LRP1B: variants seen among roughly 807,000 people sequenced by gnomAD.
LRP1B encodes low-density lipoprotein receptor-related protein 1B.
In LRP1B, 217 loss-of-function variants were observed where a neutral mutation model predicts 556.6. That is an observed-to-expected ratio of 0.39 (90% CI 0.35 to 0.44). The LOEUF is 0.44. LRP1B is among the 20% of genes least tolerant of loss of function. The pLI is 1.00. For missense variants in LRP1B, 5,053 were observed against 5,620.8 expected, an observed-to-expected ratio of 0.90 and a Z score of 3.23; for synonymous variants, 2,047 against 1,865.8, an observed-to-expected ratio of 1.10 and a Z score of -2.50.
At chr2:140,771,248 A>G (rs1313557329) in intron 33 of LRP1B, among the ~76,000 whole-genome samples, 1 of 152,124 alleles carries the variant, frequency 6.6e-6, no homozygotes, top group African/African-American at 2.4e-5. Flanking sequence ...AGAAAAGCAA[A>G]AGGAAATTGA....
intron 20 of LRP1B, among the ~76,000 whole-genome samples, chr2:140,940,844 A>G (rs971934262): frequency 2.0e-5 from 3 of 152,166 alleles, no homozygotes; most frequent in Non-Finnish European, 2.9e-5. Context: ...AGTAATCGCC[A>G]CAGTGTCTTC....
intron 2 of LRP1B, among the ~76,000 whole-genome samples, chr2:141,487,154 T>A (rs1490163617): frequency 6.6e-6 from 1 of 152,178 alleles, no homozygotes; most frequent in Non-Finnish European, 1.5e-5. Flanking sequence ...TGATTATCCT[T>A]TAACTATATA....
chr2:141,485,924 A>C (rs996678381), intron 2 of LRP1B, among the ~76,000 whole-genome samples: 2 of 152,130 alleles, frequency 1.3e-5, no homozygotes, highest in Non-Finnish European at 2.9e-5. Context: ...TAAACCTGGC[A>C]TTACCTCTGT....
In LRP1B at chr2:141,058,871, T is replaced by C; in HGVS notation, c.1408+12A>G. 2.5e-6 allele frequency: 4 copies of C among 1,573,428 alleles called. No individual in the cohort carries two copies. The highest frequency in any genetic ancestry group is 3.4e-6 in the Non-Finnish European group (4 of 1,162,366). ...ACCATTAGGAAGGTAATAAAGAAGC[T>C]TTCCCACTTACCTGTTGGTTGAGTT... On this transcript the variant is annotated intron_variant, in intron 9 of 90. Transcript: ENST00000389484.
At chr2:141,715,088 A>T (rs900142178) in intron 2 of LRP1B, among the ~76,000 whole-genome samples, 1 of 152,094 alleles carries the variant, frequency 6.6e-6, no homozygotes, top group African/African-American at 2.4e-5. Context: ...CTGAAATCAC[A>T]CTCTCTTTGT....
intron 83 of LRP1B, among the ~76,000 whole-genome samples, chr2:140,302,883 T>A (rs1196534313): frequency 6.6e-6 from 1 of 151,730 alleles, no homozygotes; most frequent in African/African-American, 2.4e-5. Flanking sequence ...GCTCCCTTAG[T>A]TCTCCGATTT....
chr2:141,737,611 C>T (rs1345888345), intron 2 of LRP1B, among the ~76,000 whole-genome samples: 2 of 152,118 alleles, frequency 1.3e-5, no homozygotes, highest in African/African-American at 2.4e-5. Context: ...CTTGTTTACC[C>T]CATCATGTTA....
At position 140,526,237 on chromosome 2, in the gene LRP1B, T is replaced by C. The variant is rs1690428412; in HGVS notation, c.7876A>G (p.Asn2626Asp). The C allele has an allele frequency of 1.2e-6, 2 of 1,610,136 alleles. No homozygotes were observed. The highest frequency in any genetic ancestry group is 1.7e-6 in the Non-Finnish European group (2 of 1,177,072). Residue 2626 changes from asparagine (N) to aspartate (D), a missense_variant and splice_region_variant, in exon 48 of 91, where the codon AAT becomes GAT. This residue lies in a region of LRP1B where 3,619 missense variants were observed against 3,931.9 expected (regional missense o/e 0.92). Transcript: ENST00000389484. ...CADASDEKNC[N>D]NTDCTHFYKL... is the part of the protein sequence containing the mutation. ...GACAAAAGGTAGTGGAATATCTTAC[T>C]GCAGTTCTTTTCATCTGAAGCATCT...
In LRP1B at chr2:140,374,669, A is replaced by G. The variant is rs1683142558; in HGVS notation, c.10639-1532T>C. Among the ~76,000 whole-genome samples the G allele has an allele frequency of 2.0e-5, 3 of 152,320 alleles. No individual in the cohort carries two copies. The East Asian group carries it at 5.8e-4, about 29-fold the overall frequency. On this transcript the variant is annotated intron_variant, in intron 68 of 90. Transcript: ENST00000389484. ...CTGCTGAGTGAATTAATAAATTAATAAACTAGCAAATATAGAAAACAAATG... is the reference window on the plus strand; with the variant it reads ...CTGCTGAGTGAATTAATAAATTAATGAACTAGCAAATATAGAAAACAAATG...
At chr2:141,955,020 A>G (rs1012659813) in intron 1 of LRP1B, among the ~76,000 whole-genome samples, 2 of 152,150 alleles carry the variant, frequency 1.3e-5, no homozygotes, top group Non-Finnish European at 2.9e-5. Context: ...GAGATGCTAT[A>G]AGAACATAAA....
chr2:141,795,571 T>A (rs756393068), intron 2 of LRP1B, among the ~76,000 whole-genome samples: 1 of 151,708 alleles, frequency 6.6e-6, no homozygotes, highest in Non-Finnish European at 1.5e-5. Context: ...TGACAGGCAG[T>A]CAGTACAAAA....
chr2:142,003,253 G>A lies in LRP1B; in HGVS notation c.82+127395C>T, dbSNP rs182761618. Among the ~76,000 whole-genome samples the A allele has an allele frequency of 9.2e-5, 14 of 152,314 alleles. No individual in the cohort carries two copies. The East Asian group carries it at 2.5e-3, about 27-fold the overall frequency. ...AAGTGTTAGCATATAATTGTTTAAT[G>A]CAATATATCAAATGCCTAATGCACA... On this transcript the variant is annotated intron_variant, in intron 1 of 90. Coordinates refer to ENST00000389484, the MANE Select transcript of LRP1B (RefSeq NM_018557.3).
intron 2 of LRP1B, among the ~76,000 whole-genome samples, chr2:141,682,592 T>C (rs576762329): frequency 6.6e-6 from 1 of 152,174 alleles, no homozygotes; most frequent in East Asian, 1.9e-4. Context: ...CATTCCCATG[T>C]TGGAAAAAGA....
chr2:140,947,653 T>C (rs1011882668), intron 20 of LRP1B, among the ~76,000 whole-genome samples: 3 of 152,210 alleles, frequency 2.0e-5, no homozygotes, highest in Non-Finnish European at 4.4e-5. Context: ...AAAAGAATAA[T>C]GAATAGAAAT....
intron 35 of LRP1B, among the ~76,000 whole-genome samples, chr2:140,734,001 C>T (rs1332442193): frequency 6.6e-6 from 1 of 152,096 alleles, no homozygotes; most frequent in Non-Finnish European, 1.5e-5. Context: ...CCTGCTTAAC[C>T]TCAACGAAAT....
chr2:140,806,352 T>G (rs12986500), intron 32 of LRP1B, among the ~76,000 whole-genome samples: 26,959 of 152,112 alleles, frequency 0.18, 2,783 homozygotes, highest in Non-Finnish European at 0.23. Flanking sequence ...AATTTTAGAT[T>G]CCTTACCTAC....
chr2:140,694,512 T>C (rs1686359315), intron 41 of LRP1B, among the ~76,000 whole-genome samples: 1 of 152,196 alleles, frequency 6.6e-6, no homozygotes, highest in Admixed American at 6.5e-5. Flanking sequence ...TTCATGATCT[T>C]CTGCAGTTTT....
intron 2 of LRP1B, among the ~76,000 whole-genome samples, chr2:141,684,047 A>G (rs1259034690): frequency 6.6e-6 from 1 of 152,098 alleles, no homozygotes; most frequent in Non-Finnish European, 1.5e-5. Context: ...CAGTGTGGAA[A>G]TTCCTCAAGG....
intron 41 of LRP1B, among the ~76,000 whole-genome samples, chr2:140,648,623 CA>C (rs1684568787): frequency 1.3e-5 from 2 of 151,942 alleles, no homozygotes; most frequent in East Asian, 3.9e-4. Context: ...GGGCCGGGTT[CA>C]GGGGTAATCT....
Sources: gnomAD v4.1 joint callset for allele counts (sites outside exome capture counted in the v4.1 genomes callset) on GRCh38, gnomAD v4.1.1 for gene constraint, gnomAD v4.1.1 regional missense constraint, MANE v1.5 for transcripts, NCBI Gene and HGNC (gene_info 2026-07-23, HGNC 2026-07-21) for gene names.